The following ATP2A3 variants were observed in gnomAD, a reference collection of about 807,000 sequenced individuals.
ATP2A3 encodes the protein sarcoplasmic/endoplasmic reticulum calcium ATPase 3.
ATP2A3 carries 61 observed loss-of-function variants against 106.8 expected under a neutral mutation model. The ratio of observed to expected loss-of-function variants is 0.57; its 90% CI spans 0.46 to 0.71. ATP2A3 has a LOEUF of 0.71. Ranked by LOEUF, ATP2A3 falls within the 30% of genes least tolerant of loss-of-function variation. The probability of loss-of-function intolerance (pLI) is 0.00; values close to 1 mark genes in which losing one functional copy is unlikely to be tolerated. For synonymous variants in ATP2A3, 611 were observed against 609.3 expected (o/e 1.00, Z -0.04); for missense variants, 1,201 against 1,423.5 (o/e 0.84, Z 2.52).
intron 9 of ATP2A3, 52 bp downstream of exon 9, chr17:3,945,008 G>A: frequency 2.1e-6 from 3 of 1,420,074 alleles, no homozygotes; most frequent in Non-Finnish European, 2.8e-6. Context: ...GCCGCCACGC[G>A]TGGCCCCGCC....
chr17:3,950,161 T>C (rs1461271437), intron 7 of ATP2A3, among the ~76,000 whole-genome samples: 2 of 121,644 alleles, frequency 1.6e-5, no homozygotes, highest in East Asian at 4.2e-4. Context: ...GAAAAAAAAA[T>C]ATTTTTTTTT....
At position 3,929,463 on chromosome 17, in the gene ATP2A3, G is replaced by A; in HGVS notation, c.2745-18C>T. ...CCGAGACGCTGCCAGGGCACAGGGT[G>A]CTCCCCTTAGGCCGGGGTGCAGGGA... On this transcript the variant is annotated intron_variant, in intron 18 of 20. Transcript: ENST00000397041. The surrounding 1 kb of genome is among the most constrained non-coding windows in gnomAD (Gnocchi z 4.3). 6.3e-7 allele frequency: 1 copy of A among 1,579,612 alleles called. No individual in the cohort carries two copies. Among genetic ancestry groups the A allele is most frequent in the South Asian group, 1.2e-5 (1 of 86,720 alleles).
chr17:3,944,714 T>C lies in ATP2A3; in HGVS notation c.1277A>G (p.Asp426Gly), dbSNP rs144329080. 2,105 of 1,613,164 alleles carry C rather than the reference T, an allele frequency of 1.3e-3. 4 individuals carry two copies. The highest frequency in any genetic ancestry group is 1.8e-3 in the Middle Eastern group (11 of 6,058). Reference protein sequence around the residue: ...ICALCNDSALDYNEAKGVYEK... With the variant: ...ICALCNDSALGYNEAKGVYEK... ...GGGGGTGAGGCCCACCTCGTTGTAG[T>C]CCAGAGCCGAGTCGTTGCACAGGGC... The change falls in exon 10 of 21, where the codon GAC (aspartate) becomes GGC (glycine). Residue 426 changes from aspartate to glycine, a missense_variant. Transcript: ENST00000397041.
chr17:3,936,741 C>T lies in ATP2A3; in HGVS notation c.2322-272G>A. On this transcript the variant is annotated intron_variant, in intron 15 of 20. Coordinates refer to ENST00000397041, the MANE Select transcript of ATP2A3 (RefSeq NM_005173.4). This position sits in a 1 kb window ranked among gnomAD's most constrained non-coding sequence, Gnocchi z 5.4. ...CCAAGTACACACACACACACACACA[C>T]ACACACACACACACGCACACGAAGA... 1 of 500,856 alleles carries T rather than the reference C, an allele frequency of 2.0e-6. No individual in the cohort carries two copies. Among genetic ancestry groups the T allele is most frequent in the South Asian group, 2.0e-5 (1 of 48,906 alleles). 31.0% of individuals were successfully genotyped at this position (500,856 alleles called of 1,614,324 possible). A position where few individuals can be genotyped will look rare whatever the true frequency, so the allele number is the denominator to read the frequency against.
chr17:3,947,329 C>T lies in ATP2A3; in HGVS notation c.1095+62G>A. On this transcript the variant is annotated intron_variant, in intron 8 of 20. Transcript: ENST00000397041. This position sits in a 1 kb window ranked among gnomAD's most constrained non-coding sequence, Gnocchi z 7.7. ...CACTGAAAAGGAGGTGGGGGAGAGA[C>T]CCAGAGAGGGAGCCCAGCCTGCTCT... The T allele has an allele frequency of 6.3e-7, 1 of 1,591,172 alleles. No homozygotes were observed. The highest frequency in any genetic ancestry group is 8.6e-7 in the Non-Finnish European group (1 of 1,162,042).
Position 3,951,078 on chromosome 17 carries a change from A to G in ATP2A3, c.463+173T>C, listed in dbSNP as rs532929735. 3.3e-5 allele frequency among the ~76,000 whole-genome samples: 5 copies of G among 152,152 alleles called. No individual in the cohort carries two copies. The East Asian group carries it at 9.7e-4, about 29-fold the overall frequency. On this transcript the variant is annotated intron_variant, in intron 5 of 20. Coordinates refer to ENST00000397041, the MANE Select transcript of ATP2A3 (RefSeq NM_005173.4). ...GGAGGCCCCTACAGAAGCCTGAGACAGGAGGATTGCTTGAACCCGGGAGGC... is the reference window on the plus strand; with the variant it reads ...GGAGGCCCCTACAGAAGCCTGAGACGGGAGGATTGCTTGAACCCGGGAGGC...
At chr17:3,927,969 A>G (rs1424443996) in intron 20 of ATP2A3, 4 of 1,613,748 alleles carry the variant, frequency 2.5e-6, no homozygotes, top group Middle Eastern at 1.6e-4. Context: ...ATTCCCAGGA[A>G]CCGGAGCTCA....
At position 3,964,409 on chromosome 17, in the gene ATP2A3, G is replaced by T. The variant is rs1011907210; in HGVS notation, c.-118C>A. On this transcript the variant is annotated 5_prime_UTR_variant, in exon 1 of 21. Transcript: ENST00000397041. The stretch of plus-strand genomic sequence containing the variant: ...GCGGGCGCCGCGCGAGGCCATGTCC[G>T]TGCTGGGACCTTACCCGACGGCAGT... 4.6e-6 allele frequency: 2 copies of T among 433,450 alleles called. No individual in the cohort carries two copies. Among genetic ancestry groups the T allele is most frequent in the Admixed American group, 5.8e-5 (1 of 17,212 alleles). 26.9% of individuals were successfully genotyped at this position (433,450 alleles called of 1,614,324 possible). A position where few individuals can be genotyped will look rare whatever the true frequency, so the allele number is the denominator to read the frequency against.
At chr17:3,962,967 G>A (rs895633194) in intron 1 of ATP2A3, among the ~76,000 whole-genome samples, 2 of 152,176 alleles carry the variant, frequency 1.3e-5, no homozygotes, top group African/African-American at 4.8e-5. Flanking sequence ...AGTCACTAAT[G>A]GGGGATATTA....
intron 16 of ATP2A3, among the ~76,000 whole-genome samples, chr17:3,935,968 A>G (rs1048660975): frequency 6.6e-6 from 1 of 152,196 alleles, no homozygotes; most frequent in African/African-American, 2.4e-5. Context: ...GCAGCATGAT[A>G]AAAGACTCTC....
Position 3,925,475 on chromosome 17 carries a change from A to T in ATP2A3, c.2981-34T>A. On this transcript the variant is annotated intron_variant, in intron 20 of 20. Transcript: ENST00000397041. This position sits in a 1 kb window ranked among gnomAD's most constrained non-coding sequence, Gnocchi z 4.2. ...AAAACCCAAGAGCGCGTTAAGATGT[A>T]TGTGTAAGGGCACACATCCAGACAG... 6.2e-7 allele frequency: 1 copy of T among 1,604,886 alleles called. No homozygotes were observed. Among genetic ancestry groups the T allele is most frequent in the East Asian group, 2.2e-5 (1 of 44,684 alleles).
rs186227171 is a variant in ATP2A3 at position 3,928,294 on chromosome 17, G to A, written c.2980+369C>T. 1.4e-5 allele frequency: 22 copies of A among 1,613,238 alleles called. No individual in the cohort carries two copies. In the East Asian group the frequency reaches 2.0e-4, roughly 15 times the overall value. ...CAGCGGCTGCCTACTCCAGGCCTGC[G>A]AGACTGTCCTGAGAAGGCCTGGATA... On this transcript the variant is annotated intron_variant, in intron 20 of 20. Transcript: ENST00000397041. The surrounding 1 kb of genome is among the most constrained non-coding windows in gnomAD (Gnocchi z 6.1).
At chr17:3,931,982 T>C (rs2053128475) in intron 17 of ATP2A3, among the ~76,000 whole-genome samples, 1 of 152,146 alleles carries the variant, frequency 6.6e-6, no homozygotes, top group Non-Finnish European at 1.5e-5. Flanking sequence ...GAGTATCGTT[T>C]CTCCTCTCTC....
chr17:3,946,089 A>G (rs1461600804), intron 8 of ATP2A3, among the ~76,000 whole-genome samples: 1 of 150,814 alleles, frequency 6.6e-6, no homozygotes, highest in Admixed American at 6.6e-5. Context: ...CTCTACTAAA[A>G]CTACAAAAAC....
rs1265969348 is a variant in ATP2A3, at chr17:3,955,515, C to CT, written c.119-1806dup. Among the ~76,000 whole-genome samples, 3 of 152,210 alleles carry CT rather than the reference C, an allele frequency of 2.0e-5. No homozygotes were observed. Among genetic ancestry groups the CT allele is most frequent in the Non-Finnish European group, 4.4e-5 (3 of 68,030 alleles). On this transcript the variant is annotated intron_variant, in intron 1 of 20. Transcript: ENST00000397041. This position sits in a 1 kb window ranked among gnomAD's most constrained non-coding sequence, Gnocchi z 4.2. Reference sequence around the variant, plus strand: ...TGCGTCGAGATTAAAATCAAACAGACTTTTTCCTTCTGATCTATTTAGCTG... The same window carrying CT: ...TGCGTCGAGATTAAAATCAAACAGACTTTTTTCCTTCTGATCTATTTAGCTG...
chr17:3,960,709 C>G (rs572567600), intron 1 of ATP2A3, among the ~76,000 whole-genome samples: 1 of 152,328 alleles, frequency 6.6e-6, no homozygotes, highest in African/African-American at 2.4e-5. Flanking sequence ...CTGACTGGCA[C>G]AGATCAGACC....
rs2052898615 is a variant in ATP2A3 at position 3,929,206 on chromosome 17, G to A, written c.2862+122C>T. The A allele has an allele frequency of 1.5e-5, 14 of 933,688 alleles. No homozygotes were observed. In the South Asian group the frequency reaches 2.3e-4, roughly 15 times the overall value. 57.8% of individuals were successfully genotyped at this position (933,688 alleles called of 1,614,324 possible). ...CACAGCTGGAGGTGGTGGCTGGCCA[G>A]ACCTCTCACCTCCCTCTCCTCCAGG... On this transcript the variant is annotated intron_variant, in intron 19 of 20. Coordinates refer to ENST00000397041, the MANE Select transcript of ATP2A3 (RefSeq NM_005173.4). The surrounding 1 kb of genome is among the most constrained non-coding windows in gnomAD (Gnocchi z 4.3).
intron 20 of ATP2A3, chr17:3,927,466 G>A: frequency 1.0e-6 from 1 of 984,584 alleles, no homozygotes. Context: ...ACGGCCCAGA[G>A]GCCTGGCTGT....
Position 3,962,614 on chromosome 17 carries a change from C to T in ATP2A3, c.118+1560G>A, listed in dbSNP as rs534952924. On this transcript the variant is annotated intron_variant, in intron 1 of 20. Transcript: ENST00000397041. ...CAGGTGTGCGCTGGCCAGGGCACCC[C>T]AAGGATCTCATCTAACCAAATAACA... Among the ~76,000 whole-genome samples the T allele has an allele frequency of 2.0e-3, 298 of 152,228 alleles. 1 individual carries two copies. The highest frequency in any genetic ancestry group is 3.4e-3 in the Non-Finnish European group (230 of 68,000).
Sources: allele counts gnomAD v4.1 joint callset (sites outside exome capture counted in the v4.1 genomes callset), GRCh38; gene constraint gnomAD v4.1.1; non-coding constraint Gnocchi (gnomAD v3.1); transcripts MANE v1.5; gene names NCBI Gene and HGNC (gene_info 2026-07-23, HGNC 2026-07-21).